The following CYP39A1 variants were observed in gnomAD, a reference collection of about 807,000 sequenced individuals.
The protein encoded by CYP39A1 is 24-hydroxycholesterol 7-alpha-hydroxylase.
A neutral mutation model predicts 58.1 loss-of-function variants in CYP39A1; 49 were observed. The observed-to-expected ratio is 0.84, with a 90% CI of 0.67 to 1.07. The LOEUF (loss-of-function observed/expected upper bound fraction) is 1.07. Among genes scored for constraint, CYP39A1 ranks in the 50% least tolerant of loss-of-function variants. The probability of loss-of-function intolerance (pLI) is 0.00; values close to 1 mark genes in which losing one functional copy is unlikely to be tolerated. For synonymous variants in CYP39A1, 209 were observed against 187.6 expected, an observed-to-expected ratio of 1.11 and a Z score of -0.93; for missense variants, 531 against 539.4, an observed-to-expected ratio of 0.98 and a Z score of 0.16.
At chr6:46,615,463 C>T (rs561427957) in intron 7 of CYP39A1, among the ~76,000 whole-genome samples, 2 of 152,120 alleles carry the variant, frequency 1.3e-5, no homozygotes, top group South Asian at 4.1e-4. Flanking sequence ...CATGATACTT[C>T]AAACTTGTCT....
chr6:46,648,821 A>C (rs1006340243), intron 1 of CYP39A1, among the ~76,000 whole-genome samples: 18 of 152,308 alleles, frequency 1.2e-4, no homozygotes, highest in Admixed American at 1.1e-3. Flanking sequence ...TTAAAAAAAA[A>C]AACAAATAAT....
intron 10 of CYP39A1, among the ~76,000 whole-genome samples, chr6:46,580,767 G>C (rs1003474693): frequency 1.3e-5 from 2 of 152,014 alleles, no homozygotes; most frequent in South Asian, 4.1e-4. Flanking sequence ...ATTACCAATC[G>C]TTAGAGAAAT....
At chr6:46,554,533 T>C (rs1180098508) in intron 10 of CYP39A1, among the ~76,000 whole-genome samples, 1 of 152,240 alleles carries the variant, frequency 6.6e-6, no homozygotes, top group Non-Finnish European at 1.5e-5. Context: ...TACAATATAT[T>C]GATACTCATT....
chr6:46,618,218 T>C (rs375400524), intron 7 of CYP39A1, among the ~76,000 whole-genome samples: 1 of 152,108 alleles, frequency 6.6e-6, no homozygotes, highest in East Asian at 1.9e-4. Context: ...TCTAATAACT[T>C]CACGAGATGA....
At chr6:46,622,693 A>T (rs9472807) in intron 7 of CYP39A1, among the ~76,000 whole-genome samples, 1 of 150,648 alleles carries the variant, frequency 6.6e-6, no homozygotes, top group Non-Finnish European at 1.5e-5. Context: ...ATGAAGACTT[A>T]GGAAGATAAT....
intron 2 of CYP39A1, 53 bp from the exon 3 acceptor site, chr6:46,639,721 C>T: frequency 6.9e-7 from 1 of 1,455,630 alleles, no homozygotes; most frequent in Non-Finnish European, 9.4e-7. Context: ...TTGAAACACA[C>T]AGTCAATATA....
intron 6 of CYP39A1, among the ~76,000 whole-genome samples, chr6:46,626,908 T>C (rs78071379): frequency 0.075 from 11,475 of 152,172 alleles, 1,353 homozygotes; most frequent in African/African-American, 0.26. Flanking sequence ...TAAGACATAA[T>C]GTATTAGTCT....
At chr6:46,586,455 A>G in intron 10 of CYP39A1, 1 of 975,490 alleles carries the variant, frequency 1.0e-6, no homozygotes, top group Non-Finnish European at 1.2e-6. Context: ...GAAGCTTAGA[A>G]GAGGGCCTGG....
intron 7 of CYP39A1, among the ~76,000 whole-genome samples, chr6:46,607,150 T>C (rs933423679): frequency 6.6e-6 from 1 of 152,078 alleles, no homozygotes; most frequent in African/African-American, 2.4e-5. Context: ...AAGAAGGGAA[T>C]GAGAAACACA....
intron 10 of CYP39A1, among the ~76,000 whole-genome samples, chr6:46,576,542 G>T (rs1370692244): frequency 1.3e-5 from 2 of 152,166 alleles, no homozygotes; most frequent in Non-Finnish European, 2.9e-5. Flanking sequence ...AATCTGGATG[G>T]CAAGGAAGCT....
intron 7 of CYP39A1, among the ~76,000 whole-genome samples, chr6:46,622,071 C>T (rs7768721): frequency 0.19 from 29,025 of 151,908 alleles, 2,981 homozygotes; most frequent in African/African-American, 0.27. Context: ...GAGCCAGACA[C>T]AAAGGACCAC....
At chr6:46,570,717 G>A (rs1771541518) in intron 10 of CYP39A1, among the ~76,000 whole-genome samples, 1 of 152,144 alleles carries the variant, frequency 6.6e-6, no homozygotes, top group East Asian at 1.9e-4. Context: ...AACACAGGGA[G>A]AGAGAATGCA....
chr6:46,597,634 C>CT (rs1773247029), intron 7 of CYP39A1, among the ~76,000 whole-genome samples: 1 of 152,038 alleles, frequency 6.6e-6, no homozygotes, highest in African/African-American at 2.4e-5. Context: ...AAAAGTAAGA[C>CT]TGCAGACAAC....
At chr6:46,620,639 G>T (rs1484580558) in intron 7 of CYP39A1, among the ~76,000 whole-genome samples, 1 of 151,630 alleles carries the variant, frequency 6.6e-6, no homozygotes, top group South Asian at 2.1e-4. Flanking sequence ...AAGGCCACAA[G>T]CTGTCATGTA....
At chr6:46,592,724 G>A (rs1233165846) in intron 8 of CYP39A1, among the ~76,000 whole-genome samples, 2 of 152,188 alleles carry the variant, frequency 1.3e-5, no homozygotes, top group African/African-American at 2.4e-5. Context: ...GGGAGGCCAA[G>A]GCGGGCAGAT....
intron 10 of CYP39A1, among the ~76,000 whole-genome samples, chr6:46,564,929 C>T (rs773953023): frequency 5.3e-5 from 8 of 152,132 alleles, no homozygotes; most frequent in East Asian, 3.9e-4. Flanking sequence ...CAAGTTAAAG[C>T]GGAAGTATGG....
At chr6:46,611,131 C>T (rs776150582) in intron 7 of CYP39A1, among the ~76,000 whole-genome samples, 2 of 152,246 alleles carry the variant, frequency 1.3e-5, no homozygotes, top group Non-Finnish European at 2.9e-5. Flanking sequence ...CAGCTTCTTC[C>T]AAGCATCTCA....
Position 46,652,594 on chromosome 6 carries a change from G to C in CYP39A1, c.-12C>G. The C allele has an allele frequency of 6.3e-7, 1 of 1,582,106 alleles. No homozygotes were observed. Among genetic ancestry groups the C allele is most frequent in the Non-Finnish European group, 8.6e-7 (1 of 1,164,906 alleles). ...GAAATTAGTTCCATGTTTTTGTCCA[G>C]CACCTTCCAGAAGCAGAAAAGTGTG... On this transcript the variant is annotated 5_prime_UTR_variant, in exon 1 of 12. Coordinates refer to ENST00000275016, the MANE Select transcript of CYP39A1 (RefSeq NM_016593.5).
chr6:46,629,466 A>G lies in CYP39A1; in HGVS notation c.840+1497T>C, dbSNP rs556538216. On this transcript the variant is annotated intron_variant, in intron 6 of 11. Coordinates refer to ENST00000275016, the MANE Select transcript of CYP39A1 (RefSeq NM_016593.5). ...CAGAGAAGAATATTATAGGTACATA[A>G]AGAAGGGGAAGGGTTTAGACTACTT... Among the ~76,000 whole-genome samples, 3 of 152,326 alleles carry G rather than the reference A, an allele frequency of 2.0e-5. 1 individual carries two copies. In the East Asian group the frequency reaches 5.8e-4, roughly 29 times the overall value.
Sources: gnomAD v4.1 joint callset for allele counts (sites outside exome capture counted in the v4.1 genomes callset) on GRCh38, gnomAD v4.1.1 for gene constraint, MANE v1.5 for transcripts, NCBI Gene and HGNC (gene_info 2026-07-23, HGNC 2026-07-21) for gene names.